The following FLRT1 variants were observed in gnomAD, a reference collection of about 807,000 sequenced individuals.
FLRT1 encodes leucine-rich repeat transmembrane protein FLRT1.
A neutral mutation model predicts 30.9 loss-of-function variants in FLRT1; 14 were observed. That is an observed-to-expected ratio of 0.45 (90% CI 0.30 to 0.71). FLRT1 has a LOEUF of 0.71. FLRT1 is among the 30% of genes least tolerant of loss of function. The pLI is 0.08. For missense variants in FLRT1, 737 were observed against 949.2 expected (o/e 0.78, Z 2.94); for synonymous variants, 368 against 430.4 (o/e 0.85, Z 1.80).
In FLRT1 at chr11:64,096,074, C is replaced by T. The variant is rs1944571567; in HGVS notation, c.-1037-7120C>T. Among the ~76,000 whole-genome samples the T allele has an allele frequency of 6.6e-6, 1 of 152,230 alleles. No homozygotes were observed. The highest frequency in any genetic ancestry group is 1.5e-5 in the Non-Finnish European group (1 of 68,034). On this transcript the variant is annotated intron_variant, in intron 1 of 2. Coordinates refer to ENST00000682287, the MANE Select transcript of FLRT1 (RefSeq NM_013280.5). The surrounding 1 kb of genome is among the most constrained non-coding windows in gnomAD (Gnocchi z 4.6). ...CTTGAGAGCTCCAGCGTGGGGACAG[C>T]GTGGGGCCCACTTCACAGCCAGGCT...
intron 1 of FLRT1, among the ~76,000 whole-genome samples, chr11:64,051,759 T>C (rs1289377092): frequency 6.6e-6 from 1 of 152,124 alleles, no homozygotes. Context: ...GCCCAGTCCC[T>C]CTCAGGACAA....
intron 2 of FLRT1, among the ~76,000 whole-genome samples, chr11:64,107,772 T>C (rs553984120): frequency 2.0e-5 from 3 of 152,126 alleles, no homozygotes; most frequent in African/African-American, 7.2e-5. Flanking sequence ...TTGAGGGTCA[T>C]GGCATCTAGT....
rs1284883403 is a variant in FLRT1 at position 64,118,121 on chromosome 11, GCTGCA to G, written c.1855_1859del (p.Leu619AspfsTer93). 1 of 1,613,096 alleles carries G rather than the reference GCTGCA, an allele frequency of 6.2e-7. No individual in the cohort carries two copies. Among genetic ancestry groups the G allele is most frequent in the Non-Finnish European group, 8.5e-7 (1 of 1,179,482 alleles). The stretch of plus-strand genomic sequence containing the variant: ...CCATCCTGGAAATCCGCGGCCCTGG[GCTGCA>G]GATGCTGCCCATCAACCCGTACCGC... On this transcript the variant is annotated frameshift_variant, in exon 3 of 3. Transcript: ENST00000682287. LOFTEE classifies it high-confidence loss of function.
At chr11:64,057,814 G>A (rs911110996) in intron 1 of FLRT1, among the ~76,000 whole-genome samples, 4 of 152,354 alleles carry the variant, frequency 2.6e-5, no homozygotes, top group Non-Finnish European at 5.9e-5. Context: ...CATGTTCGCG[G>A]GTCCAGCAGG....
Position 64,118,307 on chromosome 11 carries a change from G to C in FLRT1, c.*15G>C. ...CCTACACATGATGCCCGCCCACCCG[G>C]GCTGCCCCGCCTCAGCCCCAGCTGC... On this transcript the variant is annotated 3_prime_UTR_variant, in exon 3 of 3. Coordinates refer to ENST00000682287, the MANE Select transcript of FLRT1 (RefSeq NM_013280.5). The C allele has an allele frequency of 5.2e-6, 8 of 1,537,248 alleles. No individual in the cohort carries two copies. Among genetic ancestry groups the C allele is most frequent in the Non-Finnish European group, 7.0e-6 (8 of 1,135,872 alleles).
chr11:64,089,821 A>G (rs1944458802), intron 1 of FLRT1, among the ~76,000 whole-genome samples: 1 of 152,036 alleles, frequency 6.6e-6, no homozygotes, highest in Non-Finnish European at 1.5e-5. Flanking sequence ...GTGCCCACTC[A>G]TAGGTGTCCT....
chr11:64,117,555 A>C lies in FLRT1; in HGVS notation c.1288A>C (p.Met430Leu). The C allele has an allele frequency of 6.2e-7, 1 of 1,605,996 alleles. No individual in the cohort carries two copies. The highest frequency in any genetic ancestry group is 8.5e-7 in the Non-Finnish European group (1 of 1,174,716). Residue 430 changes from methionine (M) to leucine (L), a missense_variant, in exon 3 of 3, where the codon ATG becomes CTG. Coordinates refer to ENST00000682287, the MANE Select transcript of FLRT1 (RefSeq NM_013280.5). ...RLPDSNIDYP[M>L]ATGDGAKTLA... ...CCCCGACTCCAACATTGACTACCCC[A>C]TGGCCACGGGTGATGGCGCCAAGAC...
chr11:64,097,318 T>C (rs1944594791), intron 1 of FLRT1, among the ~76,000 whole-genome samples: 1 of 152,196 alleles, frequency 6.6e-6, no homozygotes, highest in African/African-American at 2.4e-5. Flanking sequence ...CACCAAGGGA[T>C]GGGTGAACTC....
intron 1 of FLRT1, among the ~76,000 whole-genome samples, chr11:64,059,418 G>A (rs1943854064): frequency 6.6e-6 from 1 of 152,168 alleles, no homozygotes; most frequent in Non-Finnish European, 1.5e-5. Flanking sequence ...GGGAAGAGAT[G>A]TCCCCCCAGG....
rs548167228 is a variant in FLRT1, at chr11:64,056,685, C to G, written c.-1038+20526C>G. The stretch of plus-strand genomic sequence containing the variant: ...GGGACAGGCACCACCCGGGGCTGTG[C>G]CCACCAGCAGCACTCATAGGGGACA... On this transcript the variant is annotated intron_variant, in intron 1 of 2. Transcript: ENST00000682287. 2.6e-5 allele frequency among the ~76,000 whole-genome samples: 4 copies of G among 152,306 alleles called. 1 individual carries two copies. Among genetic ancestry groups the G allele is most frequent in the Admixed American group, 2.6e-4 (4 of 15,304 alleles).
chr11:64,072,653 T>G (rs1944131480), intron 1 of FLRT1, among the ~76,000 whole-genome samples: 1 of 152,056 alleles, frequency 6.6e-6, no homozygotes, highest in Non-Finnish European at 1.5e-5. Flanking sequence ...CCCCATGCCC[T>G]GGTTATAGGG....
intron 1 of FLRT1, among the ~76,000 whole-genome samples, chr11:64,059,668 T>G (rs1472509777): frequency 6.6e-6 from 1 of 152,098 alleles, no homozygotes; most frequent in African/African-American, 2.4e-5. Flanking sequence ...CCTGCAGTGG[T>G]GCAGATGGGG....
chr11:64,069,784 C>CG (rs1168478745), intron 1 of FLRT1, among the ~76,000 whole-genome samples: 3 of 152,196 alleles, frequency 2.0e-5, no homozygotes, highest in Non-Finnish European at 2.9e-5. Flanking sequence ...CGCACGCTGC[C>CG]GGCCACTGCA....
chr11:64,098,599 C>G (rs1944619022), intron 1 of FLRT1, among the ~76,000 whole-genome samples: 1 of 152,184 alleles, frequency 6.6e-6, no homozygotes, highest in Non-Finnish European at 1.5e-5. Flanking sequence ...GAAGTCAGAG[C>G]CATGGAACAA....
At chr11:64,055,642 C>T (rs966219855) in intron 1 of FLRT1, among the ~76,000 whole-genome samples, 5 of 152,176 alleles carry the variant, frequency 3.3e-5, no homozygotes, top group African/African-American at 4.8e-5. Context: ...TTCTATTCCC[C>T]GGGGCCTGCA....
At position 64,098,255 on chromosome 11, in the gene FLRT1, G is replaced by A. The variant is rs181756129; in HGVS notation, c.-1037-4939G>A. On this transcript the variant is annotated intron_variant, in intron 1 of 2. Coordinates refer to ENST00000682287, the MANE Select transcript of FLRT1 (RefSeq NM_013280.5). ...GGCCCCTCAGTGCAGCATTCAGAGC[G>A]CCCCTAAGGCCAGGCTCCGGGCCCT... is the stretch of plus-strand genomic sequence containing the variant. 1.5e-4 allele frequency among the ~76,000 whole-genome samples: 23 copies of A among 152,250 alleles called. No individual in the cohort carries two copies. In the East Asian group the frequency reaches 4.2e-3, roughly 28 times the overall value.
At chr11:64,055,726 T>C (rs1369523514) in intron 1 of FLRT1, among the ~76,000 whole-genome samples, 1 of 152,134 alleles carries the variant, frequency 6.6e-6, no homozygotes, top group Non-Finnish European at 1.5e-5. Flanking sequence ...TGATGGGCCA[T>C]GGGAGGGAGT....
At chr11:64,109,429 C>T (rs186452255) in intron 2 of FLRT1, among the ~76,000 whole-genome samples, 124 of 152,260 alleles carry the variant, frequency 8.1e-4, no homozygotes, top group African/African-American at 2.8e-3. Flanking sequence ...TCTCCCCACT[C>T]GTGACACTGG....
In FLRT1 at chr11:64,116,387, G is replaced by C. The variant is rs772274578; in HGVS notation, c.120G>C (p.Gly40=). 2.5e-6 allele frequency: 4 copies of C among 1,613,664 alleles called. No individual in the cohort carries two copies. In the East Asian group the frequency reaches 8.9e-5, roughly 36 times the overall value. ...GGGACTGGCTGTTCCTCTGCTACGG[G>C]CTCATCGCCTTCCTGACGGAGGTCA... ...DLRDWLFLCY[G]LIAFLTEVID... The change falls in exon 3 of 3, where the codon GGG becomes GGC. Residue 40 remains glycine, a synonymous_variant. Transcript: ENST00000682287.
Sources: allele counts gnomAD v4.1 joint callset (sites outside exome capture counted in the v4.1 genomes callset), GRCh38; gene constraint gnomAD v4.1.1; non-coding constraint Gnocchi (gnomAD v3.1); transcripts MANE v1.5; gene names NCBI Gene and HGNC (gene_info 2026-07-23, HGNC 2026-07-21).